Variants in PPP2R2C observed in about 807,000 individuals in gnomAD.
The protein encoded by PPP2R2C is protein phosphatase 2, regulatory subunit B, gamma.
PPP2R2C carries 10 observed loss-of-function variants against 45.3 expected under a neutral mutation model. That is an observed-to-expected ratio of 0.22 (90% CI 0.14 to 0.37). The LOEUF is 0.37. PPP2R2C is among the 10% of genes least tolerant of loss of function. PPP2R2C has a pLI of 1.00. For synonymous variants in PPP2R2C, 257 were observed against 245.4 expected (o/e 1.05, Z -0.44); for missense variants, 308 against 619.7 (o/e 0.50, Z 5.34).
rs188854836 is a variant in PPP2R2C at position 6,361,979 on chromosome 4, G to T, written c.625+10544C>A. ...AAGGGCCCTCCGAAGCCCATGGTGA[G>T]TAGGAATTATCCCGGCAGAGCTAGT... is the stretch of plus-strand genomic sequence containing the variant. On this transcript the variant is annotated intron_variant, in intron 5 of 8. Transcript: ENST00000382599. Among the ~76,000 whole-genome samples, 5 of 152,298 alleles carry T rather than the reference G, an allele frequency of 3.3e-5. No homozygotes were observed. In the East Asian group the frequency reaches 9.7e-4, roughly 29 times the overall value.
chr4:6,477,815 G>A (rs1036425752), intron 2 of PPP2R2C, among the ~76,000 whole-genome samples: 2 of 147,112 alleles, frequency 1.4e-5, no homozygotes, highest in African/African-American at 5.0e-5. Flanking sequence ...CGACTCCCAC[G>A]CCTTCACCCC....
In PPP2R2C at chr4:6,469,199, G is replaced by A. The variant is rs1021785913; in HGVS notation, c.70+2961C>T. ...TGTTTGAGATTTTACAAGAGACTCA[G>A]GAACCCAAGCAGGGCTCCCACGGGC... On this transcript the variant is annotated intron_variant, in intron 1 of 8. Coordinates refer to ENST00000382599, the MANE Select transcript of PPP2R2C (RefSeq NM_020416.4). Among the ~76,000 whole-genome samples the A allele has an allele frequency of 2.6e-5, 4 of 151,736 alleles. No homozygotes were observed. In the East Asian group the frequency reaches 7.7e-4, roughly 29 times the overall value.
chr4:6,354,270 C>A (rs1712931525), intron 5 of PPP2R2C, among the ~76,000 whole-genome samples: 1 of 151,926 alleles, frequency 6.6e-6, no homozygotes, highest in African/African-American at 2.4e-5. Flanking sequence ...GCTGCCCCTG[C>A]CTGCTCTTCC....
chr4:6,548,693 G>A (rs1725076774), intron 1 of PPP2R2C, among the ~76,000 whole-genome samples: 1 of 152,230 alleles, frequency 6.6e-6, no homozygotes, highest in South Asian at 2.1e-4. Context: ...GAGTCCTGGT[G>A]TGTGCAGAAA....
intron 5 of PPP2R2C, chr4:6,350,142 T>C: frequency 1.0e-6 from 1 of 985,386 alleles, no homozygotes; most frequent in Non-Finnish European, 1.2e-6. Context: ...TTTTCCAGTA[T>C]GAAAAGAAGC....
intron 1 of PPP2R2C, among the ~76,000 whole-genome samples, chr4:6,434,377 G>GTTTTTTTTTC (rs1413311662): frequency 4.7e-5 from 1 of 21,250 alleles, no homozygotes; most frequent in African/African-American, 1.8e-4. Context: ...TTTTTTTTTG[G>GTTTTTTTTTC]AGACAGAGTC....
chr4:6,470,049 T>G lies in PPP2R2C; in HGVS notation c.70+2111A>C, dbSNP rs564522219. Among the ~76,000 whole-genome samples, 7 of 152,282 alleles carry G rather than the reference T, an allele frequency of 4.6e-5. 1 individual carries two copies. In the South Asian group the frequency reaches 1.5e-3, roughly 32 times the overall value. ...GTGCTCAGCATCCTTTGGCTGCACGTTAGCAATGCATAGCTCTGAACGGCT... is the reference window on the plus strand; with the variant it reads ...GTGCTCAGCATCCTTTGGCTGCACGGTAGCAATGCATAGCTCTGAACGGCT... On this transcript the variant is annotated intron_variant, in intron 1 of 8. Coordinates refer to ENST00000382599, the MANE Select transcript of PPP2R2C (RefSeq NM_020416.4).
rs1032371143 is a variant in PPP2R2C, at chr4:6,332,801, G to A, written c.960+761C>T. Among the ~76,000 whole-genome samples, 9 of 152,188 alleles carry A rather than the reference G, an allele frequency of 5.9e-5. No homozygotes were observed. The highest frequency in any genetic ancestry group is 3.3e-4 in the Admixed American group (5 of 15,294). The stretch of plus-strand genomic sequence containing the variant: ...GTGAGGAGTGACACGGTGAGGAACC[G>A]GCTGGGGTTTCTGGTGGGGTGTTTT... On this transcript the variant is annotated intron_variant, in intron 7 of 8. Transcript: ENST00000382599. This position sits in a 1 kb window ranked among gnomAD's most constrained non-coding sequence, Gnocchi z 4.9.
At position 6,530,640 on chromosome 4, in the gene PPP2R2C, A is replaced by AC. The variant is rs1724365737; in HGVS notation, c.49+4630dup. On this transcript the variant is annotated intron_variant, in intron 2 of 9. Coordinates refer to the PPP2R2C transcript ENST00000506140. Reference sequence around the variant, plus strand: ...TGCTGGGCTGGGACCCTGGCCCCCCACAACAGGCTGTGTTTTTGGGAATCA... The same window carrying AC: ...TGCTGGGCTGGGACCCTGGCCCCCCACCAACAGGCTGTGTTTTTGGGAATCA... 2.0e-5 allele frequency among the ~76,000 whole-genome samples: 3 copies of AC among 152,290 alleles called. No individual in the cohort carries two copies. The South Asian group carries it at 6.2e-4, about 32-fold the overall frequency.
In PPP2R2C at chr4:6,424,796, C is replaced by A. The variant is rs148000611; in HGVS notation, c.71-43702G>T. On this transcript the variant is annotated intron_variant, in intron 1 of 8. Transcript: ENST00000382599. ...CCAGATCCCTCAGCCCCCATGAGACCTGGGACACGTCACCTCACTGCTCAG... is the reference window on the plus strand; with the variant it reads ...CCAGATCCCTCAGCCCCCATGAGACATGGGACACGTCACCTCACTGCTCAG... Among the ~76,000 whole-genome samples the A allele has an allele frequency of 1.3e-3, 195 of 152,272 alleles. 1 individual carries two copies. Among genetic ancestry groups the A allele is most frequent in the African/African-American group, 4.4e-3 (182 of 41,548 alleles).
chr4:6,400,018 A>G (rs541932626), intron 1 of PPP2R2C, among the ~76,000 whole-genome samples: 6 of 152,336 alleles, frequency 3.9e-5, no homozygotes, highest in African/African-American at 1.4e-4. Flanking sequence ...ATGCATGTGA[A>G]TGCATTGAAG....
rs771662871 is a variant in PPP2R2C, at chr4:6,451,473, C to T, written c.70+20687G>A. ...AATGTGCTTTCCCTTCTGTTTCTTG[C>T]ATGAGGTGGGGCAGGGGCAGGGAGG... On this transcript the variant is annotated intron_variant, in intron 1 of 8. Coordinates refer to ENST00000382599, the MANE Select transcript of PPP2R2C (RefSeq NM_020416.4). 5.5e-4 allele frequency among the ~76,000 whole-genome samples: 83 copies of T among 152,236 alleles called. 1 individual carries two copies. In the Middle Eastern group the frequency reaches 0.017, roughly 31 times the overall value.
intron 1 of PPP2R2C, among the ~76,000 whole-genome samples, chr4:6,543,138 G>A (rs770405763): frequency 2.6e-5 from 4 of 152,208 alleles, no homozygotes; most frequent in Non-Finnish European, 4.4e-5. Context: ...CTGGGCAAGC[G>A]TGAAGAAGCA....
chr4:6,361,235 T>C (rs1302728886), intron 5 of PPP2R2C, among the ~76,000 whole-genome samples: 3 of 152,198 alleles, frequency 2.0e-5, no homozygotes, highest in Admixed American at 6.5e-5. Context: ...GCTGTTCTAT[T>C]TCACCGCTCA....
intron 2 of PPP2R2C, among the ~76,000 whole-genome samples, chr4:6,486,828 A>G (rs1722543883): frequency 6.6e-6 from 1 of 152,066 alleles, no homozygotes; most frequent in Admixed American, 6.5e-5. Context: ...TATTTAGACC[A>G]TGGCTGCTCA....
In PPP2R2C at chr4:6,469,541, C is replaced by T. The variant is rs554393718; in HGVS notation, c.70+2619G>A. On this transcript the variant is annotated intron_variant, in intron 1 of 8. Transcript: ENST00000382599. ...GCCATGTGTTCAATGCCTCCAACAACCCAAGCACTGTGCTGGGCACTTTTG... is the reference window on the plus strand; with the variant it reads ...GCCATGTGTTCAATGCCTCCAACAATCCAAGCACTGTGCTGGGCACTTTTG... Among the ~76,000 whole-genome samples the T allele has an allele frequency of 1.5e-4, 23 of 152,318 alleles. No individual in the cohort carries two copies. The East Asian group carries it at 4.2e-3, about 28-fold the overall frequency.
In PPP2R2C at chr4:6,563,284, T is replaced by C. The variant is rs1055304898; in HGVS notation, c.-59+276A>G. Among the ~76,000 whole-genome samples, 3 of 151,950 alleles carry C rather than the reference T, an allele frequency of 2.0e-5. No homozygotes were observed. The highest frequency in any genetic ancestry group is 4.4e-5 in the Non-Finnish European group (3 of 67,958). On this transcript the variant is annotated intron_variant, in intron 1 of 9. Coordinates refer to the PPP2R2C transcript ENST00000506140. The surrounding 1 kb of genome is among the most constrained non-coding windows in gnomAD (Gnocchi z 5.8). ...TCCAAGCCGGTTCTGTCGGGTTCCC[T>C]CAAGACCCCGAGAGCACGCGCTCCG...
At chr4:6,561,728 C>T (rs185750578) in intron 1 of PPP2R2C, among the ~76,000 whole-genome samples, 4 of 152,232 alleles carry the variant, frequency 2.6e-5, no homozygotes, top group African/African-American at 9.6e-5. Flanking sequence ...TGGATACATA[C>T]ACACACTGGC....
intron 1 of PPP2R2C, among the ~76,000 whole-genome samples, chr4:6,540,023 G>A (rs967710706): frequency 2.6e-5 from 4 of 152,180 alleles, no homozygotes; most frequent in African/African-American, 4.8e-5. Flanking sequence ...ATGACACCAA[G>A]CTTCTCACTT....
Sources: allele counts gnomAD v4.1 joint callset (sites outside exome capture counted in the v4.1 genomes callset), GRCh38; gene constraint gnomAD v4.1.1; non-coding constraint Gnocchi (gnomAD v3.1); transcripts MANE v1.5; gene names NCBI Gene and HGNC (gene_info 2026-07-23, HGNC 2026-07-21).